Variants in ANO10 observed in about 807,000 individuals in gnomAD.
ANO10 encodes anoctamin 10, also known as anoctamin-10.
A neutral mutation model predicts 74.7 loss-of-function variants in ANO10; 77 were observed. The observed-to-expected ratio is 1.03, with a 90% CI of 0.86 to 1.25. The LOEUF (loss-of-function observed/expected upper bound fraction) is 1.25. Among genes scored for constraint, ANO10 ranks in the 50% most tolerant of loss-of-function variants. The pLI is 0.00. For synonymous variants in ANO10, 279 were observed against 284.9 expected (o/e 0.98, Z 0.21); for missense variants, 721 against 778.1 (o/e 0.93, Z 0.87).
At chr3:43,577,512 C>CT (rs1160348604) in intron 5 of ANO10, among the ~76,000 whole-genome samples, 55 of 152,262 alleles carry the variant, frequency 3.6e-4, no homozygotes, top group African/African-American at 1.2e-3. Context: ...TGCCTGGACT[C>CT]TGTTTCCCCT....
intron 6 of ANO10, among the ~76,000 whole-genome samples, chr3:43,575,827 C>T (rs765214630): frequency 1.3e-4 from 20 of 152,062 alleles, no homozygotes; most frequent in Middle Eastern, 6.8e-3. Flanking sequence ...TTAGTAGAGA[C>T]GGGGTTTCAC....
At chr3:43,485,378 C>G (rs935890834) in intron 11 of ANO10, 3 of 450,112 alleles carry the variant, frequency 6.7e-6, no homozygotes, top group Middle Eastern at 6.5e-4. Context: ...CGCTCCTGAT[C>G]GGGCTAAAGA....
At chr3:43,464,248 T>C (rs2075516226) in intron 11 of ANO10, among the ~76,000 whole-genome samples, 2 of 152,150 alleles carry the variant, frequency 1.3e-5, no homozygotes, top group South Asian at 2.1e-4. Flanking sequence ...TACCAAAACC[T>C]GACAAAAACA....
intron 12 of ANO10, among the ~76,000 whole-genome samples, chr3:43,373,504 C>T (rs75303818): frequency 0.014 from 2,173 of 152,266 alleles, 58 homozygotes; most frequent in African/African-American, 0.05. Context: ...AAAGGGGAAA[C>T]AAAGGTGTAA....
At chr3:43,587,590 C>T (rs888615165) in intron 4 of ANO10, among the ~76,000 whole-genome samples, 11 of 152,020 alleles carry the variant, frequency 7.2e-5, no homozygotes, top group Non-Finnish European at 1.0e-4. Context: ...GCAAGCTGAC[C>T]GTAAAGCACT....
At chr3:43,449,207 G>GT (rs575668346) in intron 11 of ANO10, among the ~76,000 whole-genome samples, 58 of 151,850 alleles carry the variant, frequency 3.8e-4, no homozygotes, top group Middle Eastern at 6.8e-3. Context: ...AGTTTCAAGA[G>GT]TTTTTTTTGT....
In ANO10 at chr3:43,577,164, T is replaced by TAACC; in HGVS notation, c.686_689dup (p.Pro231ValfsTer12). 1 of 1,614,100 alleles carries TAACC rather than the reference T, an allele frequency of 6.2e-7. No individual in the cohort carries two copies. Among genetic ancestry groups the TAACC allele is most frequent in the Non-Finnish European group, 8.5e-7 (1 of 1,180,010 alleles). Reference sequence around the variant, plus strand: ...CTTCCCACACAAACAAGTAGTAAGGTAACCCAATGACAGCCATGGGGATTA... The same window carrying TAACC: ...CTTCCCACACAAACAAGTAGTAAGGTAACCAACCCAATGACAGCCATGGGGATTA... On this transcript the variant is annotated frameshift_variant, in exon 6 of 13. Coordinates refer to ENST00000292246, the MANE Select transcript of ANO10 (RefSeq NM_018075.5). LOFTEE classifies it high-confidence loss of function.
chr3:43,678,820 T>C (rs1204424310), intron 1 of ANO10, among the ~76,000 whole-genome samples: 6 of 152,248 alleles, frequency 3.9e-5, no homozygotes, highest in African/African-American at 1.4e-4. Flanking sequence ...ATTTGTAAAA[T>C]ACTTTTCTTT....
intron 11 of ANO10, among the ~76,000 whole-genome samples, chr3:43,438,432 G>A (rs535441061): frequency 2.0e-5 from 3 of 151,606 alleles, no homozygotes; most frequent in South Asian, 2.1e-4. Flanking sequence ...GACATGGCAG[G>A]GCCTTGTCTG....
chr3:43,389,475 C>G (rs1173132965), intron 12 of ANO10, among the ~76,000 whole-genome samples: 1 of 152,218 alleles, frequency 6.6e-6, no homozygotes, highest in East Asian at 1.9e-4. Context: ...ACAGCTGATT[C>G]ACAGTTAACT....
At chr3:43,518,963 C>A (rs1412497829) in intron 11 of ANO10, among the ~76,000 whole-genome samples, 1 of 152,064 alleles carries the variant, frequency 6.6e-6, no homozygotes, top group Non-Finnish European at 1.5e-5. Flanking sequence ...TCTCTCTGAC[C>A]CACACCCTAT....
chr3:43,648,804 G>C (rs1413033936), intron 1 of ANO10, among the ~76,000 whole-genome samples: 2 of 151,648 alleles, frequency 1.3e-5, no homozygotes, highest in Admixed American at 6.6e-5. Flanking sequence ...AGCCTCCCGA[G>C]TAGCTGGAAC....
intron 12 of ANO10, among the ~76,000 whole-genome samples, chr3:43,408,057 G>A (rs112001525): frequency 5.1e-4 from 78 of 152,292 alleles, no homozygotes; most frequent in African/African-American, 1.8e-3. Context: ...AATGGAGGTA[G>A]GGAGATCAGT....
intron 1 of ANO10, among the ~76,000 whole-genome samples, chr3:43,684,817 A>G (rs2084252770): frequency 6.6e-6 from 1 of 152,208 alleles, no homozygotes; most frequent in South Asian, 2.1e-4. Context: ...CATTCTCAGC[A>G]AACTATTGCA....
At chr3:43,404,782 G>C (rs2092544784) in intron 12 of ANO10, among the ~76,000 whole-genome samples, 1 of 150,128 alleles carries the variant, frequency 6.7e-6, no homozygotes, top group South Asian at 2.1e-4. Context: ...TACTCAGGAG[G>C]CTGAGATGGA....
chr3:43,651,614 T>A (rs181179433), intron 1 of ANO10, among the ~76,000 whole-genome samples: 1 of 152,180 alleles, frequency 6.6e-6, no homozygotes. Flanking sequence ...AAGAGCAGAA[T>A]TTTTCTCTTA....
At chr3:43,591,206 G>C (rs141056196) in intron 4 of ANO10, among the ~76,000 whole-genome samples, 2 of 152,114 alleles carry the variant, frequency 1.3e-5, no homozygotes, top group Non-Finnish European at 2.9e-5. Flanking sequence ...ACTGCTGTTC[G>C]CCGCAGTTGC....
intron 12 of ANO10, among the ~76,000 whole-genome samples, chr3:43,397,228 C>T (rs2092399409): frequency 6.6e-6 from 1 of 152,126 alleles, no homozygotes; most frequent in African/African-American, 2.4e-5. Flanking sequence ...CCTGCCCAGC[C>T]CTGTAGTTTT....
intron 8 of ANO10, among the ~76,000 whole-genome samples, chr3:43,563,653 T>C (rs940932064): frequency 6.6e-6 from 1 of 152,168 alleles, no homozygotes; most frequent in African/African-American, 2.4e-5. Flanking sequence ...ATATACACAA[T>C]GGAATACTAG....
Sources: gnomAD v4.1 joint callset for allele counts (sites outside exome capture counted in the v4.1 genomes callset) on GRCh38, gnomAD v4.1.1 for gene constraint, MANE v1.5 for transcripts, NCBI Gene and HGNC (gene_info 2026-07-23, HGNC 2026-07-21) for gene names.